The following SRGAP1 variants were observed in gnomAD, a reference collection of about 807,000 sequenced individuals.
SRGAP1 encodes the protein SLIT-ROBO Rho GTPase activating protein 1.
In SRGAP1, 43 loss-of-function variants were observed where a neutral mutation model predicts 121.9. The observed-to-expected ratio is 0.35, with a 90% CI of 0.28 to 0.46. SRGAP1 has a LOEUF of 0.46. SRGAP1 is among the 20% of genes least tolerant of loss of function. SRGAP1 has a pLI of 1.00. For synonymous variants in SRGAP1, 447 were observed against 485.4 expected (o/e 0.92, Z 1.04); for missense variants, 1,102 against 1,350.9 (o/e 0.82, Z 2.89).
chr12:64,062,820 GT>G (rs1428838335), intron 6 of SRGAP1, 96 bp from the exon 7 acceptor site: 50 of 850,494 alleles, frequency 5.9e-5, no homozygotes, highest in Non-Finnish European at 8.6e-5. Context: ...TTACCCCCAT[GT>G]TTCCTTCTGA....
chr12:63,922,561 T>A (rs1397477140), intron 1 of SRGAP1, among the ~76,000 whole-genome samples: 1 of 152,232 alleles, frequency 6.6e-6, no homozygotes, highest in Non-Finnish European at 1.5e-5. Context: ...TAGGCCTCCA[T>A]GATCCTACTT....
chr12:63,905,450 G>C (rs1034701973), intron 1 of SRGAP1, among the ~76,000 whole-genome samples: 1 of 152,186 alleles, frequency 6.6e-6, no homozygotes. Context: ...AGTAAAGGAC[G>C]AGAGTATTTT....
chr12:63,846,430 T>C (rs1406816137), intron 1 of SRGAP1, among the ~76,000 whole-genome samples: 1 of 152,204 alleles, frequency 6.6e-6, no homozygotes, highest in Non-Finnish European at 1.5e-5. Context: ...GTCTGGTTTT[T>C]CTGCCGCCTA....
At chr12:63,978,284 A>G (rs1274524997) in intron 1 of SRGAP1, among the ~76,000 whole-genome samples, 2 of 152,234 alleles carry the variant, frequency 1.3e-5, no homozygotes, top group African/African-American at 4.8e-5. Flanking sequence ...GGCATATGCC[A>G]GGTTTTGCGA....
At position 64,126,038 on chromosome 12, in the gene SRGAP1, A is replaced by C. The variant is rs1195583764; in HGVS notation, c.2286A>C (p.Leu762=). 1.9e-6 allele frequency: 3 copies of C among 1,614,168 alleles called. No homozygotes were observed. In the South Asian group the frequency reaches 3.3e-5, roughly 18 times the overall value. The change falls in exon 19 of 22, where the codon CTA becomes CTC. Residue 762 remains leucine (L), a synonymous_variant. Coordinates refer to ENST00000355086, the MANE Select transcript of SRGAP1 (RefSeq NM_020762.4). ...FDYVGRSARE[L]SFKKGASLLL... is the part of the protein sequence containing the mutation. ...ATGTTGGGCGGTCTGCCAGAGAACT[A>C]TCCTTCAAGAAGGGTGCCTCCCTGC...
intron 1 of SRGAP1, among the ~76,000 whole-genome samples, chr12:63,870,594 A>G (rs575378022): frequency 1.6e-4 from 23 of 143,200 alleles, no homozygotes; most frequent in African/African-American, 5.6e-4. Flanking sequence ...CTGGAGTGCA[A>G]TGGTGCGATC....
intron 16 of SRGAP1, among the ~76,000 whole-genome samples, chr12:64,109,804 T>A (rs1216313549): frequency 6.6e-6 from 1 of 152,186 alleles, no homozygotes; most frequent in African/African-American, 2.4e-5. Flanking sequence ...TTCCTAAAAT[T>A]CGGATATTTT....
chr12:64,068,331 C>T (rs1238043581), intron 8 of SRGAP1, among the ~76,000 whole-genome samples: 1 of 151,114 alleles, frequency 6.6e-6, no homozygotes, highest in Admixed American at 6.6e-5. Context: ...CCCTATCTGG[C>T]CCATGAAAAA....
intron 1 of SRGAP1, among the ~76,000 whole-genome samples, chr12:63,953,862 G>A (rs553324567): frequency 1.3e-5 from 2 of 152,234 alleles, no homozygotes; most frequent in South Asian, 4.2e-4. Flanking sequence ...GTTAACAGTG[G>A]AAATACATTT....
At chr12:63,901,837 C>T (rs1274870245) in intron 1 of SRGAP1, among the ~76,000 whole-genome samples, 1 of 152,216 alleles carries the variant, frequency 6.6e-6, no homozygotes, top group Non-Finnish European at 1.5e-5. Context: ...AGCTTGAACT[C>T]TAAATTAGAA....
chr12:64,008,064 G>A (rs1031197821), intron 3 of SRGAP1, among the ~76,000 whole-genome samples: 1 of 152,164 alleles, frequency 6.6e-6, no homozygotes, highest in Non-Finnish European at 1.5e-5. Context: ...CTTAGTATGT[G>A]CCAGACACTC....
At position 64,144,938 on chromosome 12, in the gene SRGAP1, G is replaced by A. The variant is rs1422183816; in HGVS notation, c.*2266G>A. 6 of 140,296 alleles carry A rather than the reference G, an allele frequency of 4.3e-5. No individual in the cohort carries two copies. The highest frequency in any genetic ancestry group is 2.3e-4 in the South Asian group (1 of 4,354). 8.7% of individuals were successfully genotyped at this position (140,296 alleles called of 1,614,324 possible). On this transcript the variant is annotated 3_prime_UTR_variant, in exon 22 of 22. Coordinates refer to ENST00000355086, the MANE Select transcript of SRGAP1 (RefSeq NM_020762.4). The stretch of plus-strand genomic sequence containing the variant: ...CGGCTCCCTGCAACCTCCATCTCCC[G>A]GGTTCAAGCAATTCTCCTGAGTAGC...
chr12:64,126,010 A>G lies in SRGAP1; in HGVS notation c.2258A>G (p.Asp753Gly). The G allele has an allele frequency of 6.2e-7, 1 of 1,614,040 alleles. No homozygotes were observed. Among genetic ancestry groups the G allele is most frequent in the Non-Finnish European group, 8.5e-7 (1 of 1,179,976 alleles). The change falls in exon 19 of 22, where the codon GAC becomes GGC. Residue 753 changes from aspartate to glycine, a missense_variant. Transcript: ENST00000355086. ...CCAATAGAAGCAATAGCCAAGTTTGACTATGTTGGGCGGTCTGCCAGAGAA... is the reference window on the plus strand; with the variant it reads ...CCAATAGAAGCAATAGCCAAGTTTGGCTATGTTGGGCGGTCTGCCAGAGAA... ...CEPIEAIAKF[D>G]YVGRSARELS...
At chr12:64,086,923 T>C (rs2035954849) in intron 10 of SRGAP1, 76 bp from the exon 11 acceptor site, 2 of 1,057,298 alleles carry the variant, frequency 1.9e-6, no homozygotes, top group South Asian at 2.9e-5. Context: ...AAATACCGGA[T>C]AGGAGATACA....
At chr12:63,945,885 A>G (rs1361706655) in intron 1 of SRGAP1, among the ~76,000 whole-genome samples, 2 of 152,316 alleles carry the variant, frequency 1.3e-5, no homozygotes, top group Admixed American at 6.5e-5. Flanking sequence ...GTCTCAGAGC[A>G]GTGATCTGGG....
intron 1 of SRGAP1, among the ~76,000 whole-genome samples, chr12:63,860,936 A>G (rs546852619): frequency 6.6e-5 from 10 of 152,048 alleles, no homozygotes; most frequent in Admixed American, 2.6e-4. Flanking sequence ...CCTGGGCTCA[A>G]GTAATGCTCT....
At chr12:64,024,766 C>T (rs2034618186) in intron 4 of SRGAP1, among the ~76,000 whole-genome samples, 1 of 152,160 alleles carries the variant, frequency 6.6e-6, no homozygotes, top group Admixed American at 6.5e-5. Context: ...TGGCAGAAGG[C>T]ACCTCTTCAT....
At chr12:63,961,464 C>T (rs935558583) in intron 1 of SRGAP1, among the ~76,000 whole-genome samples, 3 of 152,210 alleles carry the variant, frequency 2.0e-5, no homozygotes, top group Non-Finnish European at 4.4e-5. Flanking sequence ...TGGAAGCAGT[C>T]TTGGGCTGTA....
At chr12:63,876,460 T>A (rs192111760) in intron 1 of SRGAP1, among the ~76,000 whole-genome samples, 1 of 152,328 alleles carries the variant, frequency 6.6e-6, no homozygotes, top group Non-Finnish European at 1.5e-5. Context: ...ACTATCTTTA[T>A]TATGTAATTT....
Sources: allele counts gnomAD v4.1 joint callset (sites outside exome capture counted in the v4.1 genomes callset), GRCh38; gene constraint gnomAD v4.1.1; transcripts MANE v1.5; gene names NCBI Gene and HGNC (gene_info 2026-07-23, HGNC 2026-07-21).